Variants in UMAD1 observed in about 807,000 individuals in gnomAD.
UMAD1 encodes the protein UBAP1-MVB12-associated (UMA)-domain containing protein 1.
A neutral mutation model predicts 6.1 loss-of-function variants in UMAD1; 8 were observed. The ratio of observed to expected loss-of-function variants is 1.30; its 90% CI spans 0.76 to 2.35. The LOEUF (loss-of-function observed/expected upper bound fraction) is 2.35, where lower values mean the gene tolerates loss of function less well. UMAD1 is among the 30% of genes most tolerant of loss of function. UMAD1 has a pLI of 0.00. For synonymous variants in UMAD1, 56 were observed against 31.4 expected (o/e 1.78, Z -2.61); for missense variants, 130 against 78.4 (o/e 1.66, Z -2.49).
At chr7:7,732,422 ACAT>A (rs1327440896) in intron 2 of UMAD1, among the ~76,000 whole-genome samples, 6 of 152,330 alleles carry the variant, frequency 3.9e-5, no homozygotes, top group African/African-American at 1.2e-4. Context: ...GATGTGTATA[ACAT>A]CATAGCCATT....
At position 7,833,750 on chromosome 7, in the gene UMAD1, A is replaced by C. The variant is rs558146729; in HGVS notation, c.156+32007A>C. Among the ~76,000 whole-genome samples the C allele has an allele frequency of 8.6e-4, 131 of 152,306 alleles. 1 individual carries two copies. Among genetic ancestry groups the C allele is most frequent in the Middle Eastern group, 3.4e-3 (1 of 294 alleles). On this transcript the variant is annotated intron_variant, in intron 3 of 3. Transcript: ENST00000682710. Reference sequence around the variant, plus strand: ...AACTACACATATATGCTAAATATACAAAACCATAGTTCTATGTATGTCTTT... The same window carrying C: ...AACTACACATATATGCTAAATATACCAAACCATAGTTCTATGTATGTCTTT...
chr7:7,858,297 G>A (rs981518179), intron 3 of UMAD1, among the ~76,000 whole-genome samples: 4 of 152,106 alleles, frequency 2.6e-5, no homozygotes, highest in African/African-American at 4.8e-5. Context: ...ATCAGGGCTC[G>A]TATTTTAAAC....
chr7:7,667,467 T>C (rs991043356), intron 1 of UMAD1, among the ~76,000 whole-genome samples: 8 of 152,188 alleles, frequency 5.3e-5, no homozygotes, highest in African/African-American at 1.9e-4. Flanking sequence ...CTTAAATTAC[T>C]CTTAATTCTG....
At chr7:7,754,116 C>T (rs759811606) in intron 2 of UMAD1, among the ~76,000 whole-genome samples, 57 of 151,928 alleles carry the variant, frequency 3.8e-4, no homozygotes, top group Admixed American at 1.3e-3. Flanking sequence ...ACCTGGGAGG[C>T]GGAGGTTGCA....
intron 2 of UMAD1, among the ~76,000 whole-genome samples, chr7:7,750,673 A>G (rs1266536230): frequency 2.6e-5 from 4 of 152,202 alleles, no homozygotes; most frequent in Admixed American, 6.5e-5. Context: ...CTTATGAGGT[A>G]GGCATTATTT....
chr7:7,662,428 C>A (rs1483818261), intron 1 of UMAD1, among the ~76,000 whole-genome samples: 1 of 152,166 alleles, frequency 6.6e-6, no homozygotes, highest in South Asian at 2.1e-4. Context: ...TGCTTAAAAC[C>A]CAGGTCCGTG....
intron 3 of UMAD1, among the ~76,000 whole-genome samples, chr7:7,846,953 G>T (rs955742048): frequency 7.1e-6 from 1 of 141,090 alleles, no homozygotes; most frequent in Non-Finnish European, 1.5e-5. Context: ...TATACCTAAT[G>T]CTAGATGACA....
intron 2 of UMAD1, among the ~76,000 whole-genome samples, chr7:7,695,300 T>C (rs904506883): frequency 9.9e-5 from 15 of 152,208 alleles, no homozygotes; most frequent in Admixed American, 5.9e-4. Context: ...GTTTATCTCA[T>C]AGAGAATTCT....
chr7:7,873,810 A>T (rs1049770661), intron 3 of UMAD1, among the ~76,000 whole-genome samples: 3 of 152,198 alleles, frequency 2.0e-5, no homozygotes, highest in Admixed American at 2.0e-4. Context: ...CCCAACTTGA[A>T]AAACAAAAAT....
intron 2 of UMAD1, among the ~76,000 whole-genome samples, chr7:7,728,374 A>G (rs1198696095): frequency 6.6e-5 from 10 of 152,180 alleles, no homozygotes; most frequent in Admixed American, 5.9e-4. Flanking sequence ...GGCCGGGCAC[A>G]GTGGCTCACA....
chr7:7,669,949 T>C (rs1352811338), intron 1 of UMAD1, among the ~76,000 whole-genome samples: 4 of 152,196 alleles, frequency 2.6e-5, no homozygotes. Context: ...TTTGGGATAT[T>C]ATAATGTTCT....
At chr7:7,645,628 G>C (rs866961588) in intron 1 of UMAD1, among the ~76,000 whole-genome samples, 9 of 152,108 alleles carry the variant, frequency 5.9e-5, no homozygotes, top group Non-Finnish European at 5.9e-5. Flanking sequence ...TCTATTCCTA[G>C]TTTGATAAGC....
At chr7:7,644,352 T>A (rs1785047302) in intron 1 of UMAD1, among the ~76,000 whole-genome samples, 1 of 132,236 alleles carries the variant, frequency 7.6e-6, no homozygotes, top group South Asian at 2.2e-4. Context: ...CTTCATTCCA[T>A]CCTTTTTTTT....
At position 7,878,988 on chromosome 7, in the gene UMAD1, A is replaced by G. The variant is rs1583892043; in HGVS notation, c.*1450A>G. ...TGAACATTTTGTAGTAGTTTTGTAA[A>G]AGAACATCCTTTTCAAATATCTGTG... On this transcript the variant is annotated 3_prime_UTR_variant, in exon 4 of 4. Transcript: ENST00000682710. 6.6e-6 allele frequency: 1 copy of G among 152,190 alleles called. No homozygotes were observed. The highest frequency in any genetic ancestry group is 1.9e-4 in the East Asian group (1 of 5,202). The allele number at this position is 152,190 out of a possible 1,614,324, so 9.4% of individuals were successfully genotyped here.
chr7:7,839,651 C>T (rs1783638818), intron 3 of UMAD1, among the ~76,000 whole-genome samples: 1 of 152,090 alleles, frequency 6.6e-6, no homozygotes, highest in Non-Finnish European at 1.5e-5. Flanking sequence ...GGGGAAAAGT[C>T]ATAATAAGGA....
intron 3 of UMAD1, among the ~76,000 whole-genome samples, chr7:7,836,817 A>G (rs1046326695): frequency 3.3e-5 from 5 of 152,120 alleles, no homozygotes; most frequent in African/African-American, 1.2e-4. Context: ...ACACAGAGAG[A>G]CATAGAAATG....
At chr7:7,834,016 CTTTTTTTTTTTTTT>C (rs4034895) in intron 3 of UMAD1, among the ~76,000 whole-genome samples, 15 of 110,450 alleles carry the variant, frequency 1.4e-4, no homozygotes, top group African/African-American at 1.7e-4. Context: ...TTTTTCTTTT[CTTTTTTTTTTTTTT>C]TTTTTTTTTT....
At chr7:7,749,378 G>A (rs184742404) in intron 2 of UMAD1, among the ~76,000 whole-genome samples, 21 of 152,262 alleles carry the variant, frequency 1.4e-4, no homozygotes, top group Admixed American at 1.0e-3. Context: ...CGTATTCCAC[G>A]TGAAAGCTAT....
chr7:7,653,700 T>C (rs1007840061), intron 1 of UMAD1, among the ~76,000 whole-genome samples: 1 of 152,210 alleles, frequency 6.6e-6, no homozygotes, highest in African/African-American at 2.4e-5. Flanking sequence ...TGTCTTTACC[T>C]AGAGAGTGCT....
Sources: allele counts gnomAD v4.1 joint callset (sites outside exome capture counted in the v4.1 genomes callset), GRCh38; gene constraint gnomAD v4.1.1; transcripts MANE v1.5; gene names NCBI Gene and HGNC (gene_info 2026-07-23, HGNC 2026-07-21).